The following IL20RB variants were observed in gnomAD, a reference collection of about 807,000 sequenced individuals.
The protein encoded by IL20RB is interleukin 20 receptor subunit beta, also known as interleukin-20 receptor subunit beta.
In IL20RB, 21 loss-of-function variants were observed where a neutral mutation model predicts 33.3. The ratio of observed to expected loss-of-function variants is 0.63; its 90% CI spans 0.45 to 0.91. The LOEUF is 0.91. IL20RB is among the 40% of genes least tolerant of loss of function. The pLI is 0.00. For synonymous variants in IL20RB, 147 were observed against 146.8 expected (o/e 1.00, Z -0.01); for missense variants, 345 against 384.8 (o/e 0.90, Z 0.86).
chr3:137,001,874 C>T (rs1942250290), intron 6 of IL20RB, among the ~76,000 whole-genome samples: 1 of 151,982 alleles, frequency 6.6e-6, no homozygotes, highest in East Asian at 1.9e-4. Context: ...TTTGCTGCAC[C>T]CATCAACTCA....
chr3:136,969,642 G>C (rs1941418756), intron 1 of IL20RB, among the ~76,000 whole-genome samples: 1 of 151,600 alleles, frequency 6.6e-6, no homozygotes, highest in Non-Finnish European at 1.5e-5. Flanking sequence ...TGGAAATGCA[G>C]AAATCACCCG....
At chr3:137,007,422 G>A (rs1942371190) in intron 6 of IL20RB, among the ~76,000 whole-genome samples, 1 of 152,224 alleles carries the variant, frequency 6.6e-6, no homozygotes, top group Non-Finnish European at 1.5e-5. Context: ...AGTAGGCATT[G>A]TTGAGCTGTG....
chr3:136,970,411 T>A (rs1941443455), intron 1 of IL20RB, among the ~76,000 whole-genome samples: 1 of 151,842 alleles, frequency 6.6e-6, no homozygotes, highest in East Asian at 1.9e-4. Context: ...CCTATTGGAT[T>A]TTAGGATTAC....
chr3:136,979,330 T>C (rs1410341615), intron 1 of IL20RB, among the ~76,000 whole-genome samples: 1 of 152,180 alleles, frequency 6.6e-6, no homozygotes, highest in Non-Finnish European at 1.5e-5. Flanking sequence ...TCCATCCCTT[T>C]GTGGTCACAG....
chr3:136,987,834 C>A (rs192490811), intron 3 of IL20RB, among the ~76,000 whole-genome samples: 2,443 of 152,306 alleles, frequency 0.016, 67 homozygotes, highest in Non-Finnish European at 0.017. Context: ...GGCCCGGGTG[C>A]TAAGCCCCTC....
intron 1 of IL20RB, 199 bp from the exon 2 acceptor site, chr3:136,980,267 T>A (rs1297797167): frequency 3.4e-6 from 2 of 581,004 alleles, no homozygotes; most frequent in African/African-American, 3.9e-5. Context: ...ATTAGAGTTG[T>A]TTCTGGTTTA....
At chr3:136,991,026 T>A (rs962360859) in intron 4 of IL20RB, among the ~76,000 whole-genome samples, 4 of 152,218 alleles carry the variant, frequency 2.6e-5, no homozygotes, top group Non-Finnish European at 4.4e-5. Context: ...CTGAGTCATC[T>A]AGGCTTGGTC....
intron 5 of IL20RB, among the ~76,000 whole-genome samples, chr3:136,992,605 C>G (rs1382114605): frequency 6.6e-6 from 1 of 152,172 alleles, no homozygotes; most frequent in Non-Finnish European, 1.5e-5. Context: ...AGAAGCAAAA[C>G]CAAACAAGAG....
chr3:136,989,499 G>C lies in IL20RB; in HGVS notation c.465G>C (p.Glu155Asp). ...AAGATGGCTTCCACCTGGTTATTGA[G>C]CTGGAGGACCTGGGGCCCCAGTTTG... ...ITKDGFHLVI[E>D]LEDLGPQFEF... Residue 155 changes from glutamate (E) to aspartate (D), a missense_variant, in exon 4 of 7, where the codon GAG becomes GAC. Physicochemically the swap from Glu to Asp is conservative, Grantham distance 45. Transcript: ENST00000329582. 2 of 1,614,120 alleles carry C rather than the reference G, an allele frequency of 1.2e-6. No homozygotes were observed. Among genetic ancestry groups the C allele is most frequent in the Non-Finnish European group, 1.7e-6 (2 of 1,179,982 alleles).
chr3:136,958,588 C>T (rs1183291997), intron 1 of IL20RB, among the ~76,000 whole-genome samples: 2 of 152,142 alleles, frequency 1.3e-5, no homozygotes, highest in African/African-American at 4.8e-5. Flanking sequence ...TAGCAAAATA[C>T]ACATGAATAA....
chr3:136,979,756 A>T (rs976474809), intron 1 of IL20RB, among the ~76,000 whole-genome samples: 1 of 151,636 alleles, frequency 6.6e-6, no homozygotes, highest in African/African-American at 2.4e-5. Context: ...ACTTGAATGG[A>T]CTCTCTCCAC....
At chr3:136,980,332 C>G (rs759551737) in intron 1 of IL20RB, 134 bp from the exon 2 acceptor site, 1 of 942,670 alleles carries the variant, frequency 1.1e-6, no homozygotes, top group East Asian at 2.5e-5. Flanking sequence ...GTTGTCTAGG[C>G]TGGAGTGCAG....
chr3:136,991,640 G>A (rs147911173), intron 4 of IL20RB, among the ~76,000 whole-genome samples: 11 of 152,216 alleles, frequency 7.2e-5, no homozygotes, highest in African/African-American at 2.4e-4. Flanking sequence ...ACAGAGTCTC[G>A]CTCTGTCGCC....
chr3:136,986,550 A>G, intron 3 of IL20RB: 1 of 399,890 alleles, frequency 2.5e-6, no homozygotes, highest in South Asian at 1.8e-5. Flanking sequence ...GAACCTCAGG[A>G]CTGAGTGTGT....
At chr3:136,994,512 T>C (rs1212828919) in intron 5 of IL20RB, among the ~76,000 whole-genome samples, 3 of 152,158 alleles carry the variant, frequency 2.0e-5, no homozygotes, top group Admixed American at 6.5e-5. Flanking sequence ...TCCAAAATCA[T>C]GGAAACAATG....
intron 6 of IL20RB, among the ~76,000 whole-genome samples, 197 bp from the exon 7 acceptor site, chr3:137,009,916 G>T (rs1031033320): frequency 1.4e-4 from 21 of 152,058 alleles, no homozygotes; most frequent in African/African-American, 4.8e-4. Context: ...GGGCTTCAAG[G>T]GAACTGTAGG....
intron 1 of IL20RB, among the ~76,000 whole-genome samples, chr3:136,975,553 G>T (rs1361073409): frequency 1.3e-5 from 2 of 152,218 alleles, no homozygotes; most frequent in Admixed American, 1.3e-4. Flanking sequence ...TAGCCAGGAT[G>T]GTCTTGATCT....
At chr3:137,003,394 A>G (rs1402955770) in intron 6 of IL20RB, among the ~76,000 whole-genome samples, 3 of 152,146 alleles carry the variant, frequency 2.0e-5, no homozygotes, top group Non-Finnish European at 4.4e-5. Context: ...GATTCTTCCT[A>G]TCTATGAGCA....
intron 3 of IL20RB, among the ~76,000 whole-genome samples, chr3:136,984,392 G>A (rs1204699331): frequency 1.3e-5 from 2 of 151,972 alleles, no homozygotes; most frequent in African/African-American, 2.4e-5. Context: ...CTGGAGTGGA[G>A]GATTGCATGG....
Sources: allele counts gnomAD v4.1 joint callset (sites outside exome capture counted in the v4.1 genomes callset), GRCh38; gene constraint gnomAD v4.1.1; transcripts MANE v1.5; gene names NCBI Gene and HGNC (gene_info 2026-07-23, HGNC 2026-07-21).